Variants in AATF observed in about 807,000 individuals in gnomAD.
The protein encoded by AATF is protein AATF.
AATF carries 48 observed loss-of-function variants against 63.7 expected under a neutral mutation model. That is an observed-to-expected ratio of 0.75 (90% confidence interval 0.60 to 0.96). The LOEUF (loss-of-function observed/expected upper bound fraction) is 0.96, where lower values mean the gene tolerates loss of function less well. AATF is among the 40% of genes least tolerant of loss of function. AATF has a pLI of 0.00. For synonymous variants in AATF, 258 were observed against 247.7 expected, an observed-to-expected ratio of 1.04 and a Z score of -0.39; for missense variants, 639 against 685.7, an observed-to-expected ratio of 0.93 and a Z score of 0.76.
intron 11 of AATF, among the ~76,000 whole-genome samples, chr17:37,045,013 C>T (rs762396389): frequency 4.6e-5 from 7 of 152,140 alleles, no homozygotes; most frequent in Admixed American, 1.3e-4. Flanking sequence ...TCTGTAAGTG[C>T]ATTAACAAAG....
intron 4 of AATF, among the ~76,000 whole-genome samples, chr17:36,984,807 A>T (rs903607398): frequency 3.3e-5 from 5 of 151,832 alleles, no homozygotes; most frequent in Admixed American, 6.6e-5. Flanking sequence ...GCTAGTTTTT[A>T]AAAAAAATTT....
intron 8 of AATF, among the ~76,000 whole-genome samples, chr17:37,018,148 T>A (rs1254262561): frequency 6.6e-6 from 1 of 152,250 alleles, no homozygotes; most frequent in African/African-American, 2.4e-5. Flanking sequence ...TTATCGTAAT[T>A]CAGGGTTTTT....
At chr17:37,013,113 A>G (rs1481265936) in intron 8 of AATF, among the ~76,000 whole-genome samples, 1 of 152,238 alleles carries the variant, frequency 6.6e-6, no homozygotes, top group Non-Finnish European at 1.5e-5. Context: ...GAACTCTTAC[A>G]GCTCAATAAC....
intron 11 of AATF, among the ~76,000 whole-genome samples, chr17:37,053,952 T>C (rs943512252): frequency 6.6e-6 from 1 of 152,184 alleles, no homozygotes; most frequent in Non-Finnish European, 1.5e-5. Flanking sequence ...ATTACAAAAG[T>C]TAATTTTCAC....
At chr17:37,038,025 T>G (rs1201313065) in intron 11 of AATF, among the ~76,000 whole-genome samples, 2 of 152,210 alleles carry the variant, frequency 1.3e-5, no homozygotes, top group Non-Finnish European at 2.9e-5. Flanking sequence ...AGATGCCTGG[T>G]TCATGCTTCC....
At chr17:36,995,420 T>C (rs1298494025) in intron 8 of AATF, among the ~76,000 whole-genome samples, 1 of 152,180 alleles carries the variant, frequency 6.6e-6, no homozygotes, top group Non-Finnish European at 1.5e-5. Context: ...TTAATTAAAT[T>C]GGTGAGCGAT....
intron 4 of AATF, among the ~76,000 whole-genome samples, chr17:36,968,012 T>G (rs890402260): frequency 4.0e-5 from 6 of 151,754 alleles, no homozygotes; most frequent in Non-Finnish European, 7.4e-5. Flanking sequence ...ATTCATATCT[T>G]TCAGTCCTGG....
chr17:37,003,444 G>A (rs2071317019), intron 8 of AATF, among the ~76,000 whole-genome samples: 2 of 151,100 alleles, frequency 1.3e-5, no homozygotes, highest in Admixed American at 1.3e-4. Context: ...TTAGCAATGT[G>A]GAAGTCATTG....
At chr17:36,998,313 T>A (rs2071269945) in intron 8 of AATF, among the ~76,000 whole-genome samples, 1 of 152,196 alleles carries the variant, frequency 6.6e-6, no homozygotes, top group Admixed American at 6.5e-5. Flanking sequence ...AAGTCCAAAC[T>A]CTCTTTTCAC....
intron 5 of AATF, among the ~76,000 whole-genome samples, chr17:36,987,766 C>T (rs1022539789): frequency 1.8e-4 from 27 of 152,170 alleles, no homozygotes; most frequent in African/African-American, 6.3e-4. Flanking sequence ...TTCAGCTTCT[C>T]TTGTATTTGG....
At chr17:36,953,389 T>C (rs1408711818) in intron 3 of AATF, 93 bp downstream of exon 3, 53 of 1,532,278 alleles carry the variant, frequency 3.5e-5, no homozygotes, top group Non-Finnish European at 3.9e-5. Flanking sequence ...CTCTATCTCC[T>C]GTGTCCTTTC....
chr17:37,004,185 G>T (rs2071323899), intron 8 of AATF, among the ~76,000 whole-genome samples: 1 of 151,870 alleles, frequency 6.6e-6, no homozygotes, highest in Non-Finnish European at 1.5e-5. Context: ...CAAAAAATTA[G>T]CCAGGCGTGG....
rs555564834 is a variant in AATF at position 37,025,527 on chromosome 17, T to C, written c.1547+4513T>C. Among the ~76,000 whole-genome samples, 3 of 152,254 alleles carry C rather than the reference T, an allele frequency of 2.0e-5. No homozygotes were observed. The South Asian group carries it at 6.2e-4, about 32-fold the overall frequency. On this transcript the variant is annotated intron_variant, in intron 10 of 11. Coordinates refer to ENST00000619387, the MANE Select transcript of AATF (RefSeq NM_012138.4). Reference sequence around the variant, plus strand: ...GGGCAGGAGGAGGTTACGACAGCGATGAATACAGGACAGTGTTTAGTAAGG... The same window carrying C: ...GGGCAGGAGGAGGTTACGACAGCGACGAATACAGGACAGTGTTTAGTAAGG...
chr17:36,971,639 C>A lies in AATF; in HGVS notation c.833-14978C>A, dbSNP rs575898660. Among the ~76,000 whole-genome samples the A allele has an allele frequency of 3.9e-5, 6 of 152,292 alleles. No individual in the cohort carries two copies. In the South Asian group the frequency reaches 1.2e-3, roughly 32 times the overall value. ...AAGTCTTGTACATGCACGTTCATAGCAGCATTATTTATAATCACCAAAAAC... is the reference window on the plus strand; with the variant it reads ...AAGTCTTGTACATGCACGTTCATAGAAGCATTATTTATAATCACCAAAAAC... On this transcript the variant is annotated intron_variant, in intron 4 of 11. Transcript: ENST00000619387.
rs191944676 is a variant in AATF, at chr17:37,045,289, G to A, written c.1620-11312G>A. On this transcript the variant is annotated intron_variant, in intron 11 of 11. Coordinates refer to ENST00000619387, the MANE Select transcript of AATF (RefSeq NM_012138.4). ...TGACCCCCTGGGCACCTCCACTTACGTGGTAAATAAGACTGAAGGCCTTTC... is the reference window on the plus strand; with the variant it reads ...TGACCCCCTGGGCACCTCCACTTACATGGTAAATAAGACTGAAGGCCTTTC... Among the ~76,000 whole-genome samples the A allele has an allele frequency of 1.8e-4, 28 of 152,306 alleles. 1 individual carries two copies. The highest frequency in any genetic ancestry group is 3.8e-4 in the African/African-American group (16 of 41,562).
intron 11 of AATF, among the ~76,000 whole-genome samples, chr17:37,044,206 C>T (rs1427089911): frequency 5.3e-5 from 8 of 152,220 alleles, no homozygotes. Context: ...AATATACTTT[C>T]CTCTGCTTCC....
At chr17:37,029,707 A>AG (rs35106362) in intron 10 of AATF, among the ~76,000 whole-genome samples, 2,225 of 152,180 alleles carry the variant, frequency 0.015, 51 homozygotes, top group African/African-American at 0.051. Flanking sequence ...CTGGGATTAC[A>AG]GGCATGTGCC....
At chr17:36,999,839 T>G (rs2071281109) in intron 8 of AATF, 1 of 152,254 alleles carries the variant, frequency 6.6e-6, no homozygotes, top group African/African-American at 2.4e-5. Context: ...GTGCACAGAC[T>G]CTGAGGCAAA....
intron 11 of AATF, among the ~76,000 whole-genome samples, chr17:37,035,335 C>T (rs1217993098): frequency 1.3e-5 from 2 of 151,530 alleles, no homozygotes; most frequent in African/African-American, 4.8e-5. Context: ...TCTCCTGCCT[C>T]AGCCTCCCGA....
Sources: allele counts gnomAD v4.1 joint callset (sites outside exome capture counted in the v4.1 genomes callset), GRCh38; gene constraint gnomAD v4.1.1; transcripts MANE v1.5; gene names NCBI Gene and HGNC (gene_info 2026-07-23, HGNC 2026-07-21).